Variants in ZIK1 observed in about 807,000 individuals in gnomAD.
ZIK1 encodes zinc finger protein interacting with ribonucleoprotein K.
A neutral mutation model predicts 10.7 loss-of-function variants in ZIK1; 12 were observed. The observed-to-expected ratio is 1.12, with a 90% CI of 0.72 to 1.81. The LOEUF (loss-of-function observed/expected upper bound fraction) is 1.81, where lower values mean the gene tolerates loss of function less well. Ranked by LOEUF, ZIK1 falls within the 40% of genes most tolerant of loss-of-function variation. The pLI is 0.00. For synonymous variants in ZIK1, 190 were observed against 205.0 expected (o/e 0.93, Z 0.63); for missense variants, 497 against 585.7 (o/e 0.85, Z 1.56).
rs1395357572 is a variant in ZIK1 at position 57,588,640 on chromosome 19, G to C, written c.174G>C (p.Glu58Asp). ...TCCTGTACCTTGAAGTGATGCTGGA[G>C]AACTTTGCCCTTGTAGCCTCACTGG... ...QRLLYLEVML[E>D]NFALVASLGC... Residue 58 changes from glutamate (E) to aspartate (D), a missense_variant, in exon 3 of 4, where the codon GAG becomes GAC. Physicochemically the swap from Glu to Asp is conservative, Grantham distance 45. Coordinates refer to ENST00000597850, the MANE Select transcript of ZIK1 (RefSeq NM_001010879.4). The C allele has an allele frequency of 6.3e-7, 1 of 1,580,358 alleles. No homozygotes were observed. Among genetic ancestry groups the C allele is most frequent in the Non-Finnish European group, 8.6e-7 (1 of 1,159,944 alleles).
rs144654110 is a variant in ZIK1 at position 57,591,088 on chromosome 19, G to T, written c.1277G>T (p.Arg426Leu). Residue 426 changes from arginine to leucine, a missense_variant, in exon 4 of 4, where the codon CGG (arginine) becomes CTG (leucine). Physicochemically the swap from Arg to Leu is moderately radical, Grantham distance 102. Coordinates refer to ENST00000597850, the MANE Select transcript of ZIK1 (RefSeq NM_001010879.4). The stretch of plus-strand genomic sequence containing the variant: ...CAAAGCTCCATCCTTATTCAACACC[G>T]GAGAATTCATACTGGAGCAAGGCCT... ...FSQSSILIQH[R>L]RIHTGARPYE... is the part of the protein sequence containing the mutation. The T allele has an allele frequency of 6.2e-7, 1 of 1,612,630 alleles. No homozygotes were observed. The highest frequency in any genetic ancestry group is 8.5e-7 in the Non-Finnish European group (1 of 1,179,678).
rs192880114 is a variant in ZIK1 at position 57,589,576 on chromosome 19, C to A, written c.200-435C>A. 1.7e-4 allele frequency: 169 copies of A among 985,116 alleles called. No homozygotes were observed. In the African/African-American group the frequency reaches 2.8e-3, roughly 16 times the overall value. The allele number at this position is 985,116 out of a possible 1,614,324, so 61.0% of individuals were successfully genotyped here. On this transcript the variant is annotated intron_variant, in intron 3 of 3. Coordinates refer to ENST00000597850, the MANE Select transcript of ZIK1 (RefSeq NM_001010879.4). ...TGTCTCATGAAGTATGTATATATGA[C>A]CACATGAAGATATGTGATCATATCA... is the stretch of plus-strand genomic sequence containing the variant.
chr19:57,589,830 C>A lies in ZIK1; in HGVS notation c.200-181C>A, dbSNP rs556209724. The A allele has an allele frequency of 1.5e-5, 10 of 656,488 alleles. No individual in the cohort carries two copies. In the Admixed American group the frequency reaches 5.1e-4, roughly 33 times the overall value. 40.7% of individuals were successfully genotyped at this position (656,488 alleles called of 1,614,324 possible). Reference sequence around the variant, plus strand: ...TCCTTGTGTCCTTTATTTGGTGAGGCCTCCCTCATTCTGTGATCTTTAGAG... The same window carrying A: ...TCCTTGTGTCCTTTATTTGGTGAGGACTCCCTCATTCTGTGATCTTTAGAG... On this transcript the variant is annotated intron_variant, in intron 3 of 3. Transcript: ENST00000597850.
chr19:57,584,399 G>A lies in ZIK1; in HGVS notation c.33+10G>A, dbSNP rs767190708. On this transcript the variant is annotated intron_variant, in intron 1 of 3. Transcript: ENST00000597850. ...GAGGGCCCCGACTCAGGTGAGCGCT[G>A]CCTCTACTGGGCCTCACCCTCCATC... The A allele has an allele frequency of 8.0e-5, 129 of 1,607,768 alleles. No individual in the cohort carries two copies. The highest frequency in any genetic ancestry group is 9.9e-5 in the Non-Finnish European group (117 of 1,177,864).
rs1394068137 is a variant in ZIK1, at chr19:57,590,187, G to T, written c.376G>T (p.Val126Phe). ...TCTCCCTGGGCAGAAACCATACTTG[G>T]TTGGAGAATGTACAAACCATCACCA... ...ADLPGQKPYL[V>F]GECTNHHQHQ... The change falls in exon 4 of 4, where the codon GTT becomes TTT. Residue 126 changes from valine (V) to phenylalanine (F), a missense_variant. Coordinates refer to ENST00000597850, the MANE Select transcript of ZIK1 (RefSeq NM_001010879.4). 5 of 1,614,204 alleles carry T rather than the reference G, an allele frequency of 3.1e-6. No individual in the cohort carries two copies. Among genetic ancestry groups the T allele is most frequent in the Non-Finnish European group, 4.2e-6 (5 of 1,180,040 alleles).
At chr19:57,586,396 C>G (rs898874361) in intron 2 of ZIK1, among the ~76,000 whole-genome samples, 3 of 151,942 alleles carry the variant, frequency 2.0e-5, no homozygotes, top group African/African-American at 7.3e-5. Context: ...AACTCCGTCT[C>G]CACTAAAAAT....
Position 57,593,646 on chromosome 19 carries a change from A to G in ZIK1, c.*2371A>G, listed in dbSNP as rs1599928331. 6.6e-6 allele frequency: 1 copy of G among 152,018 alleles called. No homozygotes were observed. The highest frequency in any genetic ancestry group is 6.6e-5 in the Admixed American group (1 of 15,260). 9.4% of individuals were successfully genotyped at this position (152,018 alleles called of 1,614,324 possible). ...AGTATGTGAACCTTCTTATTTCTCT[A>G]CATTCTTGCCATACTTGGTATGGTT... On this transcript the variant is annotated 3_prime_UTR_variant, in exon 4 of 4. Coordinates refer to ENST00000597850, the MANE Select transcript of ZIK1 (RefSeq NM_001010879.4).
In ZIK1 at chr19:57,591,240, A is replaced by G. The variant is rs1315800669; in HGVS notation, c.1429A>G (p.Ser477Gly). The G allele has an allele frequency of 1.2e-6, 2 of 1,612,598 alleles. No individual in the cohort carries two copies. The highest frequency in any genetic ancestry group is 1.7e-4 in the Middle Eastern group (1 of 6,048). Residue 477 changes from serine (S) to glycine (G), a missense_variant, in exon 4 of 4, where the codon AGC becomes GGC. Ser to Gly is a moderately conservative substitution (Grantham distance 56, BLOSUM62 0). Transcript: ENST00000597850. ...TGGGAATTCCTTTAGCCAATGCTCC[A>G]GCCTCATACATCACCAAAAATGTCA... ...KCGNSFSQCS[S>G]LIHHQKCHNT
At chr19:57,589,329 C>T in intron 3 of ZIK1, 1 of 985,388 alleles carries the variant, frequency 1.0e-6, no homozygotes, top group Non-Finnish European at 1.2e-6. Flanking sequence ...GTTTTCCGAT[C>T]ACATAAGGAG....
chr19:57,584,728 G>C, intron 1 of ZIK1: 1 of 1,101,932 alleles, frequency 9.1e-7, no homozygotes, highest in Non-Finnish European at 1.2e-6. Context: ...CATGGAGTTA[G>C]ACTAGAATAG....
rs985356144 is a variant in ZIK1, at chr19:57,592,434, A to C, written c.*1159A>C. On this transcript the variant is annotated 3_prime_UTR_variant, in exon 4 of 4. Transcript: ENST00000597850. ...CTGTGTATGTCCAATAGCTGAGGTTATTTTCAGCAAAAATAATTAAAGGGT... is the reference window on the plus strand; with the variant it reads ...CTGTGTATGTCCAATAGCTGAGGTTCTTTTCAGCAAAAATAATTAAAGGGT... 6.6e-6 allele frequency: 1 copy of C among 152,140 alleles called. No homozygotes were observed. The highest frequency in any genetic ancestry group is 1.5e-5 in the Non-Finnish European group (1 of 68,018). The allele number at this position is 152,140 out of a possible 1,614,324, so 9.4% of individuals were successfully genotyped here.
chr19:57,588,672 C>A lies in ZIK1; in HGVS notation c.199+7C>A. On this transcript the variant is annotated splice_region_variant and intron_variant, in intron 3 of 3. Transcript: ENST00000597850. ...GCCCTTGTAGCCTCACTGGGTAAGG[C>A]CCTAATACCAACTCCAGTGTCCTGG... 6.6e-7 allele frequency: 1 copy of A among 1,525,164 alleles called. No homozygotes were observed. Among genetic ancestry groups the A allele is most frequent in the Non-Finnish European group, 8.8e-7 (1 of 1,132,392 alleles). 94.5% of individuals were successfully genotyped at this position (1,525,164 alleles called of 1,614,324 possible).
chr19:57,584,597 T>C, intron 1 of ZIK1: 1 of 1,401,198 alleles, frequency 7.1e-7, no homozygotes, highest in South Asian at 1.6e-5. Context: ...AGAAGGTTCA[T>C]ACCTGGAGTG....
At chr19:57,584,528 C>T in intron 1 of ZIK1, 139 bp downstream of exon 1, 1 of 1,427,310 alleles carries the variant, frequency 7.0e-7, no homozygotes, top group Non-Finnish European at 9.2e-7. Context: ...GGTGATGGGG[C>T]ACGGAAGAGG....
At chr19:57,588,149 G>A (rs966176159) in intron 2 of ZIK1, among the ~76,000 whole-genome samples, 4 of 152,110 alleles carry the variant, frequency 2.6e-5, no homozygotes, top group Admixed American at 2.6e-4. Context: ...AGCCGTGGGA[G>A]TGAGACTGAG....
intron 2 of ZIK1, among the ~76,000 whole-genome samples, chr19:57,585,485 G>A (rs1049361379): frequency 4.6e-5 from 7 of 152,182 alleles, no homozygotes; most frequent in African/African-American, 1.7e-4. Context: ...TACTGCAGTG[G>A]CCAAGGTGAG....
chr19:57,585,883 A>AT (rs59607792), intron 2 of ZIK1, among the ~76,000 whole-genome samples: 3,828 of 130,062 alleles, frequency 0.029, 89 homozygotes, highest in African/African-American at 0.053. Context: ...TGCCCAGCGA[A>AT]TTTTTTTTTT....
Position 57,591,072 on chromosome 19 carries a change from A to G in ZIK1, c.1261A>G (p.Ile421Val), listed in dbSNP as rs1398461298. Reference sequence around the variant, plus strand: ...TGGGAAATCCTTTAGTCAAAGCTCCATCCTTATTCAACACCGGAGAATTCA... The same window carrying G: ...TGGGAAATCCTTTAGTCAAAGCTCCGTCCTTATTCAACACCGGAGAATTCA... ...DCGKSFSQSS[I>V]LIQHRRIHTG... Residue 421 changes from isoleucine to valine, a missense_variant, in exon 4 of 4, where the codon ATC becomes GTC. Coordinates refer to ENST00000597850, the MANE Select transcript of ZIK1 (RefSeq NM_001010879.4). 8 of 1,613,914 alleles carry G rather than the reference A, an allele frequency of 5.0e-6. No individual in the cohort carries two copies. The highest frequency in any genetic ancestry group is 6.8e-6 in the Non-Finnish European group (8 of 1,179,998).
At chr19:57,588,779 C>T in intron 3 of ZIK1, 114 bp downstream of exon 3, 7 of 1,169,808 alleles carry the variant, frequency 6.0e-6, no homozygotes, top group Non-Finnish European at 7.8e-6. Flanking sequence ...GCCTGAGTAG[C>T]CCTAACACCT....
Sources: allele counts gnomAD v4.1 joint callset (sites outside exome capture counted in the v4.1 genomes callset), GRCh38; gene constraint gnomAD v4.1.1; transcripts MANE v1.5; gene names NCBI Gene and HGNC (gene_info 2026-07-23, HGNC 2026-07-21).